The following SYNDIG1 variants were observed in gnomAD, a reference collection of about 807,000 sequenced individuals.
The protein encoded by SYNDIG1 is synapse differentiation-inducing gene protein 1.
In SYNDIG1, 9 loss-of-function variants were observed where a neutral mutation model predicts 19.4. The observed-to-expected ratio is 0.46, with a 90% CI of 0.28 to 0.81. SYNDIG1 has a LOEUF of 0.81. SYNDIG1 is among the 30% of genes least tolerant of loss of function. SYNDIG1 has a pLI of 0.12. For missense variants in SYNDIG1, 311 were observed against 343.3 expected (o/e 0.91, Z 0.74); for synonymous variants, 141 against 145.9 (o/e 0.97, Z 0.24).
chr20:24,659,593 G>C (rs539670945), intron 3 of SYNDIG1, among the ~76,000 whole-genome samples: 2 of 152,326 alleles, frequency 1.3e-5, no homozygotes, highest in South Asian at 4.1e-4. Flanking sequence ...GCTGTGGCCC[G>C]GAAGATGAAT....
At chr20:24,618,833 T>C (rs1278303127) in intron 3 of SYNDIG1, among the ~76,000 whole-genome samples, 1 of 152,180 alleles carries the variant, frequency 6.6e-6, no homozygotes, top group Admixed American at 6.5e-5. Flanking sequence ...TCTTTGTTTT[T>C]TATTTTATTT....
intron 2 of SYNDIG1, among the ~76,000 whole-genome samples, chr20:24,584,117 C>T (rs2058373469): frequency 6.6e-6 from 1 of 152,210 alleles, no homozygotes; most frequent in Non-Finnish European, 1.5e-5. Context: ...CCTTCTCCAT[C>T]AGAACCCCCA....
chr20:24,589,031 T>C (rs1347406308), intron 3 of SYNDIG1, among the ~76,000 whole-genome samples: 1 of 152,146 alleles, frequency 6.6e-6, no homozygotes, highest in East Asian at 1.9e-4. Context: ...CAATGTTCCA[T>C]CCAGCCCCCA....
In SYNDIG1 at chr20:24,658,590, G is replaced by C. The variant is rs964188695; in HGVS notation, c.619-6756G>C. Among the ~76,000 whole-genome samples the C allele has an allele frequency of 6.6e-6, 1 of 151,606 alleles. No homozygotes were observed. The highest frequency in any genetic ancestry group is 2.4e-5 in the African/African-American group (1 of 41,182). On this transcript the variant is annotated intron_variant, in intron 3 of 3. Coordinates refer to ENST00000376862, the MANE Select transcript of SYNDIG1 (RefSeq NM_024893.3). This position sits in a 1 kb window ranked among gnomAD's most constrained non-coding sequence, Gnocchi z 4.4. ...GTTTCATTATCTCCACCCTGACATC[G>C]AACCGTGTGGAGTATGACCCCCCAC...
At chr20:24,614,297 C>T (rs1364190827) in intron 3 of SYNDIG1, among the ~76,000 whole-genome samples, 2 of 152,240 alleles carry the variant, frequency 1.3e-5, no homozygotes, top group Non-Finnish European at 2.9e-5. Flanking sequence ...AGCCACTGCA[C>T]CCAGCCTCAC....
chr20:24,532,306 C>T (rs1247815161), intron 1 of SYNDIG1, among the ~76,000 whole-genome samples: 1 of 152,102 alleles, frequency 6.6e-6, no homozygotes, highest in East Asian at 1.9e-4. Flanking sequence ...AATATGAGCC[C>T]GCCATGAGAA....
chr20:24,534,765 G>A (rs543550480), intron 1 of SYNDIG1, among the ~76,000 whole-genome samples: 4 of 152,334 alleles, frequency 2.6e-5, no homozygotes, highest in Admixed American at 2.6e-4. Context: ...CCTGCACACG[G>A]TAGGTACCCA....
Position 24,499,838 on chromosome 20 carries a change from A to G in SYNDIG1, c.-79+30085A>G, listed in dbSNP as rs372147608. On this transcript the variant is annotated intron_variant, in intron 1 of 3. Coordinates refer to ENST00000376862, the MANE Select transcript of SYNDIG1 (RefSeq NM_024893.3). ...CAACACAATGAAAATCTTTATACAT[A>G]GTTCATATCAATATATGTAAGGCTG... 2.6e-5 allele frequency among the ~76,000 whole-genome samples: 4 copies of G among 152,372 alleles called. No individual in the cohort carries two copies. The East Asian group carries it at 5.8e-4, about 22-fold the overall frequency.
At chr20:24,529,973 G>GGCTATGTCA (rs2057214923) in intron 1 of SYNDIG1, among the ~76,000 whole-genome samples, 7 of 3,598 alleles carry the variant, frequency 1.9e-3, no homozygotes, top group African/African-American at 8.8e-3. Context: ...GAATAATGAT[G>GGCTATGTCA]GTGATGGTGG....
At chr20:24,476,377 G>A (rs2055625495) in intron 1 of SYNDIG1, among the ~76,000 whole-genome samples, 1 of 152,040 alleles carries the variant, frequency 6.6e-6, no homozygotes, top group Admixed American at 6.6e-5. Context: ...TTTAAAAGCT[G>A]TGGATATTGG....
intron 2 of SYNDIG1, among the ~76,000 whole-genome samples, chr20:24,578,302 G>A (rs186343585): frequency 1.3e-5 from 2 of 152,146 alleles, no homozygotes; most frequent in East Asian, 3.9e-4. Context: ...AATTAGCCGG[G>A]CATGATGGCA....
intron 2 of SYNDIG1, among the ~76,000 whole-genome samples, chr20:24,569,538 G>A (rs778213932): frequency 2.7e-4 from 41 of 152,012 alleles, no homozygotes; most frequent in Non-Finnish European, 5.0e-4. Context: ...GCTAGGAAGG[G>A]GTAGGTCAAA....
chr20:24,484,158 G>T (rs2055888757), intron 1 of SYNDIG1, among the ~76,000 whole-genome samples: 1 of 152,030 alleles, frequency 6.6e-6, no homozygotes, highest in Non-Finnish European at 1.5e-5. Flanking sequence ...TGCCCAGATT[G>T]CCCCAAAATG....
chr20:24,657,048 T>C (rs1568720045), intron 3 of SYNDIG1, among the ~76,000 whole-genome samples: 1 of 152,176 alleles, frequency 6.6e-6, no homozygotes, highest in Non-Finnish European at 1.5e-5. Context: ...ACTTCCTCCA[T>C]GAGTGAAAAG....
intron 3 of SYNDIG1, among the ~76,000 whole-genome samples, chr20:24,644,199 T>G (rs184441635): frequency 6.6e-6 from 1 of 152,252 alleles, no homozygotes; most frequent in East Asian, 1.9e-4. Context: ...AGTCTCCATG[T>G]GCTCATCCAT....
chr20:24,643,591 TC>T (rs1409156641), intron 3 of SYNDIG1, among the ~76,000 whole-genome samples: 2 of 152,252 alleles, frequency 1.3e-5, no homozygotes, highest in Non-Finnish European at 2.9e-5. Flanking sequence ...GTCAACACCC[TC>T]CTCACCCCCT....
intron 1 of SYNDIG1, among the ~76,000 whole-genome samples, chr20:24,483,924 C>A (rs972428501): frequency 1.3e-5 from 2 of 152,076 alleles, no homozygotes; most frequent in African/African-American, 4.8e-5. Flanking sequence ...ACTCGGAATG[C>A]GAAAGAGTGA....
rs577457375 is a variant in SYNDIG1, at chr20:24,494,511, C to T, written c.-79+24758C>T. On this transcript the variant is annotated intron_variant, in intron 1 of 3. Transcript: ENST00000376862. ...GGCAGTGGTGGGTGAATGGACAGGG[C>T]GCCTGGTGCTGACATCACTCATTCC... 8.5e-4 allele frequency among the ~76,000 whole-genome samples: 130 copies of T among 152,242 alleles called. 1 individual carries two copies. The highest frequency in any genetic ancestry group is 6.8e-3 in the Middle Eastern group (2 of 294).
intron 3 of SYNDIG1, among the ~76,000 whole-genome samples, chr20:24,650,829 T>C (rs1267470761): frequency 2.2e-5 from 2 of 90,466 alleles, no homozygotes; most frequent in East Asian, 6.4e-4. Flanking sequence ...GACTCTTATT[T>C]CTTGTTTCTT....
Sources: allele counts gnomAD v4.1 joint callset (sites outside exome capture counted in the v4.1 genomes callset), GRCh38; gene constraint gnomAD v4.1.1; non-coding constraint Gnocchi (gnomAD v3.1); transcripts MANE v1.5; gene names NCBI Gene and HGNC (gene_info 2026-07-23, HGNC 2026-07-21).